GNS: variants seen among roughly 807,000 people sequenced by gnomAD.
GNS encodes N-acetylglucosamine-6-sulfatase.
In GNS, 40 loss-of-function variants were observed where a neutral mutation model predicts 69.7. The ratio of observed to expected loss-of-function variants is 0.57; its 90% CI spans 0.45 to 0.75. The LOEUF (loss-of-function observed/expected upper bound fraction) is 0.75, where lower values mean the gene tolerates loss of function less well. GNS is among the 30% of genes least tolerant of loss of function. The pLI is 0.00. For missense variants in GNS, 565 were observed against 685.5 expected (o/e 0.82, Z 1.96); for synonymous variants, 243 against 251.6 (o/e 0.97, Z 0.32).
chr12:64,723,561 A>G (rs73323449), intron 10 of GNS, among the ~76,000 whole-genome samples: 63 of 152,340 alleles, frequency 4.1e-4, no homozygotes, highest in African/African-American at 1.4e-3. Context: ...TGTGCTAAAG[A>G]CTGTAACAGG....
At chr12:64,746,633 C>G (rs1198019473) in intron 3 of GNS, among the ~76,000 whole-genome samples, 1 of 152,194 alleles carries the variant, frequency 6.6e-6, no homozygotes, top group African/African-American at 2.4e-5. Flanking sequence ...CCCACTTTAT[C>G]CTTACAAGGT....
chr12:64,734,415 G>A (rs1203237809), intron 9 of GNS, among the ~76,000 whole-genome samples: 1 of 152,198 alleles, frequency 6.6e-6, no homozygotes. Flanking sequence ...TCTACCCCAT[G>A]TGGGAGCAGG....
At position 64,752,724 on chromosome 12, in the gene GNS, C is replaced by G; in HGVS notation, c.226G>C (p.Glu76Gln). The change falls in exon 2 of 14, where the codon GAG (glutamate) becomes CAG (glutamine). Residue 76 changes from glutamate to glutamine, a missense_variant. Around this residue, in one of 2 missense-constraint regions of GNS, gnomAD observed 181 missense variants for 174.4 expected, o/e 1.04. Coordinates refer to ENST00000258145, the MANE Select transcript of GNS (RefSeq NM_002076.4). ...PLKKTKALIG[E>Q]MGMTFSSAYV... ...GCACTGGAAAAAGTCATCCCCATCT[C>G]TCCGATGAGAGCTTTGGTTTTCTTT... 1 of 1,539,392 alleles carries G rather than the reference C, an allele frequency of 6.5e-7. No homozygotes were observed. The highest frequency in any genetic ancestry group is 9.0e-7 in the Non-Finnish European group (1 of 1,113,492).
intron 3 of GNS, chr12:64,746,261 G>T: frequency 5.9e-6 from 1 of 169,604 alleles, no homozygotes; most frequent in African/African-American, 2.4e-5. Flanking sequence ...ATGCTGAGCT[G>T]CTGATACCAT....
Position 64,732,163 on chromosome 12 carries a change from TTTGTTG to T in GNS, c.1099-3112_1099-3107del, listed in dbSNP as rs1205773483. 1.8e-3 allele frequency among the ~76,000 whole-genome samples: 176 copies of T among 96,912 alleles called. 30 individuals carry two copies. Among genetic ancestry groups the T allele is most frequent in the South Asian group, 0.013 (33 of 2,608 alleles). 63.6% of individuals were successfully genotyped at this position (96,912 alleles called of 152,430 possible). On this transcript the variant is annotated intron_variant, in intron 9 of 13. Transcript: ENST00000258145. ...CACCACACCTGGCTAATTTTTTTTT[TTTGTTG>T]TTTTTTTTTTTTTTTTGAGACGGAG...
chr12:64,745,648 T>C lies in GNS; in HGVS notation c.525+11A>G. On this transcript the variant is annotated intron_variant, in intron 4 of 13. Transcript: ENST00000258145. ...TGCATAAAATTGTCACAGACTTCAA[T>C]AATCACTCACCAAGGCATACCAGTA... 1.3e-6 allele frequency: 2 copies of C among 1,504,836 alleles called. No homozygotes were observed. The highest frequency in any genetic ancestry group is 2.3e-5 in the East Asian group (1 of 44,352). 93.2% of individuals were successfully genotyped at this position (1,504,836 alleles called of 1,614,324 possible).
intron 8 of GNS, among the ~76,000 whole-genome samples, chr12:64,737,529 C>A (rs1869592730): frequency 1.3e-5 from 2 of 152,196 alleles, no homozygotes; most frequent in Admixed American, 1.3e-4. Flanking sequence ...AGGGGAAGTT[C>A]TTCTCTGAGG....
chr12:64,756,781 T>G, intron 1 of GNS: 1 of 1,399,638 alleles, frequency 7.1e-7, no homozygotes, highest in Non-Finnish European at 9.8e-7. Flanking sequence ...GAAGCCAGAA[T>G]TCTTGAGTTT....
intron 1 of GNS, among the ~76,000 whole-genome samples, chr12:64,757,711 AACAC>A (rs1230793338): frequency 2.0e-5 from 3 of 152,216 alleles, no homozygotes; most frequent in Non-Finnish European, 4.4e-5. Flanking sequence ...TATCAAGTGT[AACAC>A]ACACACTCAC....
At chr12:64,739,057 A>C (rs938200906) in intron 8 of GNS, among the ~76,000 whole-genome samples, 3 of 152,192 alleles carry the variant, frequency 2.0e-5, no homozygotes, top group African/African-American at 7.2e-5. Flanking sequence ...ATGAATGGCA[A>C]GAAAGTTTTC....
chr12:64,742,455 A>G (rs1227220998), intron 6 of GNS, among the ~76,000 whole-genome samples: 1 of 152,204 alleles, frequency 6.6e-6, no homozygotes, highest in African/African-American at 2.4e-5. Flanking sequence ...GGGATCAAGA[A>G]CTCCCACTTC....
At chr12:64,732,264 T>G (rs549814979) in intron 9 of GNS, among the ~76,000 whole-genome samples, 2 of 150,748 alleles carry the variant, frequency 1.3e-5, no homozygotes, top group East Asian at 4.0e-4. Context: ...GCCTCCCGGT[T>G]TGATGCCATT....
intron 1 of GNS, chr12:64,756,780 A>G (rs1424192394): frequency 7.1e-7 from 1 of 1,412,070 alleles, no homozygotes; most frequent in Non-Finnish European, 9.6e-7. Flanking sequence ...AGAAGCCAGA[A>G]TTCTTGAGTT....
chr12:64,745,942 T>A, intron 3 of GNS: 1 of 561,274 alleles, frequency 1.8e-6, no homozygotes, highest in Non-Finnish European at 3.2e-6. Context: ...TCTGGCCTGA[T>A]GACTTTTGTA....
At chr12:64,756,214 G>A (rs1870245625) in intron 1 of GNS, among the ~76,000 whole-genome samples, 2 of 152,206 alleles carry the variant, frequency 1.3e-5, no homozygotes, top group South Asian at 4.1e-4. Flanking sequence ...TGTTGTAAAT[G>A]CTATATACAA....
In GNS at chr12:64,755,334, T is replaced by C. The variant is rs543946562; in HGVS notation, c.193-2577A>G. 1.2e-4 allele frequency among the ~76,000 whole-genome samples: 18 copies of C among 152,142 alleles called. No individual in the cohort carries two copies. In the South Asian group the frequency reaches 3.3e-3, roughly 28 times the overall value. The stretch of plus-strand genomic sequence containing the variant: ...TTCTCACACCTGTAATCCCACCCCT[T>C]TGGGAGGCTGAAGTGGGCGGATCAC... On this transcript the variant is annotated intron_variant, in intron 1 of 13. Transcript: ENST00000258145.
intron 1 of GNS, among the ~76,000 whole-genome samples, chr12:64,753,742 C>T (rs1870153766): frequency 6.6e-6 from 1 of 152,136 alleles, no homozygotes; most frequent in Non-Finnish European, 1.5e-5. Context: ...CTACGGAATC[C>T]ATAAACTCAA....
intron 9 of GNS, among the ~76,000 whole-genome samples, chr12:64,729,865 T>C (rs1869326917): frequency 1.3e-5 from 2 of 152,290 alleles, no homozygotes; most frequent in East Asian, 3.9e-4. Context: ...CCTATAAAAA[T>C]ATCTGAATAT....
intron 10 of GNS, 107 bp downstream of exon 10, chr12:64,728,849 G>T: frequency 1.5e-6 from 1 of 672,844 alleles, no homozygotes; most frequent in Non-Finnish European, 2.7e-6. Flanking sequence ...AAGATTTTCT[G>T]CCCCCAAATT....
Sources: allele counts gnomAD v4.1 joint callset (sites outside exome capture counted in the v4.1 genomes callset), GRCh38; gene constraint gnomAD v4.1.1; regional missense constraint gnomAD v4.1.1; transcripts MANE v1.5; gene names NCBI Gene and HGNC (gene_info 2026-07-23, HGNC 2026-07-21).